Variants in SLC28A1 observed in about 807,000 individuals in gnomAD.
The protein encoded by SLC28A1 is sodium/nucleoside cotransporter 1.
Under a neutral mutation model 74.8 loss-of-function variants are expected in SLC28A1, and 64 were observed. The ratio of observed to expected loss-of-function variants is 0.86; its 90% CI spans 0.70 to 1.05. The LOEUF (loss-of-function observed/expected upper bound fraction) is 1.05, where lower values mean the gene tolerates loss of function less well. Among genes scored for constraint, SLC28A1 ranks in the 50% least tolerant of loss-of-function variants. The probability of loss-of-function intolerance (pLI) is 0.00; values close to 1 mark genes in which losing one functional copy is unlikely to be tolerated. For synonymous variants in SLC28A1, 359 were observed against 335.0 expected, an observed-to-expected ratio of 1.07 and a Z score of -0.78; for missense variants, 828 against 822.8, an observed-to-expected ratio of 1.01 and a Z score of -0.08.
intron 5 of SLC28A1, among the ~76,000 whole-genome samples, chr15:84,892,918 T>C (rs752458740): frequency 5.3e-5 from 8 of 152,110 alleles, no homozygotes; most frequent in Non-Finnish European, 8.8e-5. Flanking sequence ...TCAAGGAGCT[T>C]AGCTCAGGTC....
intron 1 of SLC28A1, among the ~76,000 whole-genome samples, chr15:84,885,021 T>C (rs1964418817): frequency 6.6e-6 from 1 of 152,144 alleles, no homozygotes; most frequent in African/African-American, 2.4e-5. Context: ...TGCAGTGGTG[T>C]GATCTCTGCT....
chr15:84,937,899 A>AAAACC (rs146178343), intron 15 of SLC28A1, among the ~76,000 whole-genome samples: 1 of 2,012 alleles, frequency 5.0e-4, no homozygotes, highest in African/African-American at 0.017. Context: ...TCTGTCTCAA[A>AAAACC]AAACAAAACA....
At chr15:84,914,853 C>G (rs1443313139) in intron 9 of SLC28A1, among the ~76,000 whole-genome samples, 1 of 152,150 alleles carries the variant, frequency 6.6e-6, no homozygotes, top group African/African-American at 2.4e-5. Context: ...GGGGCCACCT[C>G]TTTTCTCTTT....
chr15:84,886,153 A>G (rs2141605336), intron 1 of SLC28A1: 23 of 985,424 alleles, frequency 2.3e-5, no homozygotes, highest in Non-Finnish European at 2.8e-5. Flanking sequence ...AACAAAGATG[A>G]AATGAAGGGG....
intron 1 of SLC28A1, chr15:84,886,042 G>A (rs1252219180): frequency 1.6e-6 from 1 of 626,184 alleles, no homozygotes; most frequent in Non-Finnish European, 2.0e-6. Flanking sequence ...TTAAAGAGAT[G>A]TTGTGAATCC....
At chr15:84,958,778 A>C in the SLC28A1 span, among the ~76,000 whole-genome samples, 9 of 152,116 alleles carry the variant, frequency 5.9e-5, no homozygotes, top group East Asian at 9.7e-4. Context: ...ATGGTCTCAA[A>C]ATTTTTTTTA....
intron 14 of SLC28A1, 28 bp downstream of exon 14, chr15:84,935,222 T>C (rs1971742128): frequency 6.2e-7 from 1 of 1,613,658 alleles, no homozygotes; most frequent in Non-Finnish European, 8.5e-7. Flanking sequence ...ACACTCAGTC[T>C]GTAGAGAGGA....
chr15:84,941,541 A>T (rs1192859704), intron 15 of SLC28A1, among the ~76,000 whole-genome samples: 1 of 151,892 alleles, frequency 6.6e-6, no homozygotes, highest in East Asian at 1.9e-4. Context: ...TTTTATACCA[A>T]ATATTTTCTT....
chr15:84,887,392 A>G lies in SLC28A1; in HGVS notation c.-16-353A>G, dbSNP rs1200453048. 6.1e-6 allele frequency: 6 copies of G among 985,254 alleles called. No individual in the cohort carries two copies. In the East Asian group the frequency reaches 5.7e-4, roughly 93 times the overall value. The allele number at this position is 985,254 out of a possible 1,614,324, so 61.0% of individuals were successfully genotyped here. A position where few individuals can be genotyped will look rare whatever the true frequency, so the allele number is the denominator to read the frequency against. On this transcript the variant is annotated intron_variant, in intron 2 of 18. Coordinates refer to ENST00000394573, the MANE Select transcript of SLC28A1 (RefSeq NM_004213.5). ...AAGGACTTGCCTCTTACAGGTTCAG[A>G]TGTGGGTGCAGGCTGGGGTGGTGGC...
intron 5 of SLC28A1, among the ~76,000 whole-genome samples, chr15:84,893,030 C>G (rs1339622882): frequency 1.3e-5 from 2 of 152,142 alleles, no homozygotes; most frequent in Non-Finnish European, 2.9e-5. Context: ...CCCCTCCACA[C>G]TGCCCCCTCT....
At chr15:84,938,933 G>C (rs1972309459) in intron 15 of SLC28A1, among the ~76,000 whole-genome samples, 1 of 152,212 alleles carries the variant, frequency 6.6e-6, no homozygotes, top group Non-Finnish European at 1.5e-5. Context: ...TGTGCTTAGA[G>C]AGCAGAGGCA....
rs769789828 is a variant in SLC28A1, at chr15:84,935,110, T to A, written c.1299T>A (p.Ile433=). 1.1e-5 allele frequency: 17 copies of A among 1,614,128 alleles called. No homozygotes were observed. In the East Asian group the frequency reaches 3.8e-4, roughly 36 times the overall value. The change falls in exon 14 of 19, where the codon ATT becomes ATA. Residue 433 remains isoleucine (I), a synonymous_variant. Coordinates refer to ENST00000394573, the MANE Select transcript of SLC28A1 (RefSeq NM_004213.5). Reference sequence around the variant, plus strand: ...TCGCCAACATCGCTGCCAACCTGATTGCGTTCCTGGCTGTGCTGGACTTTA... The same window carrying A: ...TCGCCAACATCGCTGCCAACCTGATAGCGTTCCTGGCTGTGCTGGACTTTA... ...KVVANIAANL[I]AFLAVLDFIN...
downstream of SLC28A1, among the ~76,000 whole-genome samples, chr15:84,949,169 C>G (rs1310297837): frequency 2.0e-5 from 3 of 152,176 alleles, no homozygotes; most frequent in Non-Finnish European, 4.4e-5. Flanking sequence ...TAACACATAG[C>G]AGGGTTTCAA....
chr15:84,940,349 T>G (rs898378373), intron 15 of SLC28A1, among the ~76,000 whole-genome samples: 1 of 152,124 alleles, frequency 6.6e-6, no homozygotes, highest in Non-Finnish European at 1.5e-5. Flanking sequence ...AAAGACACAT[T>G]GGGTAGTATG....
chr15:84,942,390 C>A (rs1014323399), intron 15 of SLC28A1, among the ~76,000 whole-genome samples: 1 of 152,304 alleles, frequency 6.6e-6, no homozygotes, highest in South Asian at 2.1e-4. Flanking sequence ...TTTATTCTAA[C>A]TATTTTTTTG....
intron 6 of SLC28A1, among the ~76,000 whole-genome samples, chr15:84,897,200 C>T (rs1338003094): frequency 2.0e-5 from 3 of 147,500 alleles, no homozygotes; most frequent in Admixed American, 1.4e-4. Flanking sequence ...CACGGTGAAA[C>T]CCTGTCTCTA....
At chr15:84,967,340 C>T in the SLC28A1 span, among the ~76,000 whole-genome samples, 1 of 152,308 alleles carries the variant, frequency 6.6e-6, no homozygotes, top group Admixed American at 6.5e-5. Flanking sequence ...CCCCCCACCT[C>T]ACCAAAGGCT....
chr15:84,965,664 T>G, the SLC28A1 span, among the ~76,000 whole-genome samples: 1 of 152,198 alleles, frequency 6.6e-6, no homozygotes, highest in East Asian at 1.9e-4. Context: ...GCACTTCTTC[T>G]AGGATGACCA....
Position 84,945,188 on chromosome 15 carries a change from CTG to C in SLC28A1, c.1941_1942del (p.Ala648ThrfsTer53), listed in dbSNP as rs1201192820. ...GCTGTCGGTTTTACAACCACACGAT[CTG>C]TGCACAGTGAGGACAGAACATGCTT... ...NCCRFYNHTI[C>X]AQ On this transcript the variant is annotated frameshift_variant, in exon 19 of 19. Coordinates refer to ENST00000394573, the MANE Select transcript of SLC28A1 (RefSeq NM_004213.5). LOFTEE classifies it high-confidence loss of function. The C allele has an allele frequency of 6.2e-7, 1 of 1,613,928 alleles. No individual in the cohort carries two copies. The highest frequency in any genetic ancestry group is 8.5e-7 in the Non-Finnish European group (1 of 1,179,942).
Sources: allele counts gnomAD v4.1 joint callset (sites outside exome capture counted in the v4.1 genomes callset), GRCh38; gene constraint gnomAD v4.1.1; transcripts MANE v1.5; gene names NCBI Gene and HGNC (gene_info 2026-07-23, HGNC 2026-07-21).